TNIK: variants seen among roughly 807,000 people sequenced by gnomAD.
The protein encoded by TNIK is TRAF2 and NCK-interacting protein kinase.
Under a neutral mutation model 191.3 loss-of-function variants are expected in TNIK, and 49 were observed. That is an observed-to-expected ratio of 0.26 (90% CI 0.20 to 0.32). The LOEUF (loss-of-function observed/expected upper bound fraction) is 0.32, where lower values mean the gene tolerates loss of function less well. TNIK is among the 10% of genes least tolerant of loss of function. The probability of loss-of-function intolerance (pLI) is 1.00; values close to 1 mark genes in which losing one functional copy is unlikely to be tolerated. For synonymous variants in TNIK, 594 were observed against 600.9 expected, an observed-to-expected ratio of 0.99 and a Z score of 0.17; for missense variants, 1,155 against 1,702.3, an observed-to-expected ratio of 0.68 and a Z score of 5.66.
At chr3:171,104,077 G>GCTCTCTGCCCTGAAACATTA (rs1724179729) in intron 21 of TNIK, among the ~76,000 whole-genome samples, 4 of 151,678 alleles carry the variant, frequency 2.6e-5, no homozygotes, top group Admixed American at 6.6e-5. Context: ...TAAACTTAAA[G>GCTCTCTGCCCTGAAACATTA]GAAATTTTCA....
chr3:171,314,470 T>C (rs898934852), intron 2 of TNIK, among the ~76,000 whole-genome samples: 7 of 152,224 alleles, frequency 4.6e-5, no homozygotes, highest in Non-Finnish European at 1.0e-4. Flanking sequence ...CCATCCCATT[T>C]CTGCCTCTCT....
At chr3:171,434,763 A>AT (rs1488938463) in intron 1 of TNIK, among the ~76,000 whole-genome samples, 3 of 152,162 alleles carry the variant, frequency 2.0e-5, no homozygotes, top group Non-Finnish European at 4.4e-5. Context: ...CCTGGCCCTC[A>AT]TCCTCTTATA....
At position 171,185,178 on chromosome 3, in the gene TNIK, C is replaced by CGTGTGTGTGTGTGTGTGTGTGTGT. The variant is rs148499254; in HGVS notation, c.639+3500_639+3523dup. ...TTTTCCAGGTTCTTTATAGATTTCC[C>CGTGTGTGTGTGTGTGTGTGTGTGT]GTGTGTGTGTGTGTGTGTGTGTGTG... On this transcript the variant is annotated intron_variant, in intron 7 of 32. Coordinates refer to ENST00000436636, the MANE Select transcript of TNIK (RefSeq NM_015028.4). Among the ~76,000 whole-genome samples, 383 of 145,966 alleles carry CGTGTGTGTGTGTGTGTGTGTGTGT rather than the reference C, an allele frequency of 2.6e-3. 1 individual carries two copies. The highest frequency in any genetic ancestry group is 5.8e-3 in the Admixed American group (84 of 14,518).
intron 2 of TNIK, among the ~76,000 whole-genome samples, chr3:171,258,944 C>T (rs746396747): frequency 5.3e-5 from 8 of 152,088 alleles, no homozygotes; most frequent in South Asian, 4.1e-4. Flanking sequence ...CACATGTGCG[C>T]GCACACACAC....
intron 13 of TNIK, 54 bp downstream of exon 13, chr3:171,140,345 C>T: frequency 7.0e-7 from 1 of 1,438,394 alleles, no homozygotes; most frequent in East Asian, 2.4e-5. Context: ...CCAGAGAAGG[C>T]TGGTGCTGGG....
At chr3:171,453,308 A>G (rs1387465476) in intron 1 of TNIK, among the ~76,000 whole-genome samples, 4 of 152,182 alleles carry the variant, frequency 2.6e-5, no homozygotes, top group African/African-American at 7.2e-5. Flanking sequence ...GAGACAGTCT[A>G]TGAGTGGGAG....
chr3:171,456,806 AC>A (rs1728844488), intron 1 of TNIK, among the ~76,000 whole-genome samples: 1 of 152,198 alleles, frequency 6.6e-6, no homozygotes, highest in African/African-American at 2.4e-5. Flanking sequence ...ATTCTTTTGT[AC>A]TCAGGCAGAA....
intron 3 of TNIK, among the ~76,000 whole-genome samples, chr3:171,223,418 C>G (rs1330151333): frequency 6.6e-6 from 1 of 152,046 alleles, no homozygotes; most frequent in South Asian, 2.1e-4. Flanking sequence ...ATTTCCAGTG[C>G]CTATCATAAA....
At chr3:171,304,353 G>A (rs1398616674) in intron 2 of TNIK, among the ~76,000 whole-genome samples, 1 of 152,064 alleles carries the variant, frequency 6.6e-6, no homozygotes, top group Admixed American at 6.6e-5. Flanking sequence ...TAAAAAGTCA[G>A]GAAACAACAG....
At chr3:171,392,778 C>CAAAAAAAAAAAAAAAAAAAAAA (rs60306915) in intron 1 of TNIK, among the ~76,000 whole-genome samples, 1 of 95,282 alleles carries the variant, frequency 1.0e-5, no homozygotes. Context: ...GATTCTGTCT[C>CAAAAAAAAAAAAAAAAAAAAAA]AAAAAAAAAA....
At chr3:171,329,893 T>C (rs1756223564) in intron 2 of TNIK, among the ~76,000 whole-genome samples, 1 of 152,204 alleles carries the variant, frequency 6.6e-6, no homozygotes, top group Admixed American at 6.5e-5. Flanking sequence ...AAACAGATTT[T>C]TCACTTACAA....
intron 1 of TNIK, among the ~76,000 whole-genome samples, chr3:171,399,656 C>T (rs1720673248): frequency 6.6e-6 from 1 of 150,954 alleles, no homozygotes; most frequent in South Asian, 2.1e-4. Flanking sequence ...ATATTATTAC[C>T]AAAAAACAAA....
At chr3:171,129,782 T>C (rs569384298) in intron 15 of TNIK, among the ~76,000 whole-genome samples, 1 of 152,308 alleles carries the variant, frequency 6.6e-6, no homozygotes, top group East Asian at 1.9e-4. Flanking sequence ...TTACCTTTAG[T>C]ACATATTTAC....
intron 28 of TNIK, among the ~76,000 whole-genome samples, chr3:171,075,447 G>T (rs372145133): frequency 1.6e-4 from 25 of 152,118 alleles, no homozygotes; most frequent in African/African-American, 5.8e-4. Context: ...AGAATTCCAG[G>T]GTATCCCTAT....
At chr3:171,448,503 T>C (rs1482504568) in intron 1 of TNIK, among the ~76,000 whole-genome samples, 1 of 152,148 alleles carries the variant, frequency 6.6e-6, no homozygotes, top group Non-Finnish European at 1.5e-5. Context: ...TTTTGTTTAT[T>C]CATTCATTGG....
At chr3:171,288,610 C>A (rs930557399) in intron 2 of TNIK, among the ~76,000 whole-genome samples, 1 of 151,812 alleles carries the variant, frequency 6.6e-6, no homozygotes, top group Non-Finnish European at 1.5e-5. Context: ...AGATCAAGAC[C>A]ATCCTGGCTA....
intron 1 of TNIK, among the ~76,000 whole-genome samples, chr3:171,380,029 GCACACACACA>G (rs35890103): frequency 8.5e-6 from 1 of 117,114 alleles, no homozygotes; most frequent in Non-Finnish European, 2.0e-5. Flanking sequence ...ACACACACGC[GCACACACACA>G]CACACACACA....
intron 2 of TNIK, among the ~76,000 whole-genome samples, chr3:171,351,155 C>T (rs745653062): frequency 2.8e-4 from 42 of 151,974 alleles, no homozygotes; most frequent in Non-Finnish European, 4.4e-4. Flanking sequence ...CCTCCCAAAG[C>T]GCTAGGATTA....
intron 2 of TNIK, among the ~76,000 whole-genome samples, chr3:171,247,840 C>A (rs1745774936): frequency 6.6e-6 from 1 of 152,106 alleles, no homozygotes; most frequent in South Asian, 2.1e-4. Context: ...CCCCTGGGAC[C>A]TTACACAGCA....
Sources: gnomAD v4.1 joint callset for allele counts (sites outside exome capture counted in the v4.1 genomes callset) on GRCh38, gnomAD v4.1.1 for gene constraint, MANE v1.5 for transcripts, NCBI Gene and HGNC (gene_info 2026-07-23, HGNC 2026-07-21) for gene names.